The following CAMK4 variants were observed in gnomAD, a reference collection of about 807,000 sequenced individuals.
CAMK4 encodes calcium/calmodulin dependent protein kinase IV.
CAMK4 carries 22 observed loss-of-function variants against 44.9 expected under a neutral mutation model. The ratio of observed to expected loss-of-function variants is 0.49; its 90% CI spans 0.35 to 0.70. CAMK4 has a LOEUF of 0.70. Ranked by LOEUF, CAMK4 falls within the 30% of genes least tolerant of loss-of-function variation. The pLI is 0.01. For synonymous variants in CAMK4, 218 were observed against 215.4 expected (o/e 1.01, Z -0.11); for missense variants, 498 against 586.8 (o/e 0.85, Z 1.56).
chr5:111,251,532 A>G (rs757400698), intron 1 of CAMK4, among the ~76,000 whole-genome samples: 5 of 152,234 alleles, frequency 3.3e-5, no homozygotes, highest in Non-Finnish European at 7.3e-5. Context: ...GCTGGAAGGA[A>G]GGCAGAGCTG....
At chr5:111,390,831 C>T (rs1255066010) in intron 4 of CAMK4, among the ~76,000 whole-genome samples, 1 of 152,090 alleles carries the variant, frequency 6.6e-6, no homozygotes, top group Non-Finnish European at 1.5e-5. Flanking sequence ...GCCTAACATA[C>T]AAGTGAGTGA....
chr5:111,396,305 A>G (rs1325873742), intron 5 of CAMK4, among the ~76,000 whole-genome samples: 2 of 152,162 alleles, frequency 1.3e-5, no homozygotes, highest in Admixed American at 1.3e-4. Context: ...ATGTGAGTGA[A>G]TAAAACCTGG....
intron 1 of CAMK4, among the ~76,000 whole-genome samples, chr5:111,248,531 C>A (rs1272045877): frequency 3.6e-5 from 5 of 138,940 alleles, no homozygotes; most frequent in African/African-American, 1.3e-4. Context: ...AAAAAAAAAA[C>A]AGGACAAGTG....
chr5:111,433,499 A>T (rs1029539118), intron 5 of CAMK4, among the ~76,000 whole-genome samples: 7 of 152,168 alleles, frequency 4.6e-5, no homozygotes, highest in African/African-American at 1.7e-4. Context: ...GACTATCAAG[A>T]CCTAACCTTG....
chr5:111,422,159 A>G (rs1313970771), intron 5 of CAMK4, among the ~76,000 whole-genome samples: 1 of 152,212 alleles, frequency 6.6e-6, no homozygotes, highest in Non-Finnish European at 1.5e-5. Context: ...GTCTATACAC[A>G]TTCCTCTATA....
chr5:111,462,220 T>A (rs557675898), intron 7 of CAMK4, among the ~76,000 whole-genome samples: 1 of 152,212 alleles, frequency 6.6e-6, no homozygotes, highest in Non-Finnish European at 1.5e-5. Flanking sequence ...ATCCTCTACA[T>A]CTCAGTTCAA....
chr5:111,440,754 C>T (rs1200322536), intron 5 of CAMK4, among the ~76,000 whole-genome samples: 4 of 151,900 alleles, frequency 2.6e-5, no homozygotes, highest in African/African-American at 9.7e-5. Context: ...TTTTTGGCAG[C>T]AAAACAGAAG....
chr5:111,250,022 C>T (rs541493073), intron 1 of CAMK4, among the ~76,000 whole-genome samples: 1 of 152,028 alleles, frequency 6.6e-6, no homozygotes, highest in East Asian at 1.9e-4. Context: ...AGTAACCTGG[C>T]CATTTCATAC....
At chr5:111,256,647 G>T (rs1355168940) in intron 1 of CAMK4, among the ~76,000 whole-genome samples, 1 of 152,124 alleles carries the variant, frequency 6.6e-6, no homozygotes, top group African/African-American at 2.4e-5. Context: ...GGTAATAAAT[G>T]CAGTAATTGA....
Position 111,419,748 on chromosome 5 carries a change from G to A in CAMK4, c.459+24966G>A, listed in dbSNP as rs1026046899. 2.6e-5 allele frequency among the ~76,000 whole-genome samples: 4 copies of A among 152,048 alleles called. No homozygotes were observed. In the South Asian group the frequency reaches 6.2e-4, roughly 24 times the overall value. On this transcript the variant is annotated intron_variant, in intron 5 of 10. Transcript: ENST00000282356. ...TTGTCAGGTTTGTCAAAGATCAGAT[G>A]GTTGTAGATATGCGGCATTATTTCT...
chr5:111,438,329 C>T (rs544726379), intron 5 of CAMK4, among the ~76,000 whole-genome samples: 1 of 152,146 alleles, frequency 6.6e-6, no homozygotes, highest in African/African-American at 2.4e-5. Context: ...ACCTTTAATT[C>T]TCAAACCGCT....
intron 1 of CAMK4, among the ~76,000 whole-genome samples, chr5:111,336,916 AT>A (rs1440278966): frequency 6.6e-6 from 1 of 151,044 alleles, no homozygotes; most frequent in Admixed American, 6.6e-5. Flanking sequence ...GGTTTTTAAT[AT>A]TTTTAAACAA....
rs1308345452 is a variant in CAMK4 at position 111,489,499 on chromosome 5, C to G, written c.*5033C>G. On this transcript the variant is annotated 3_prime_UTR_variant, in exon 11 of 11. Transcript: ENST00000282356. The stretch of plus-strand genomic sequence containing the variant: ...TTTGGTTATTTAAAATTCCAACTTT[C>G]ATAAATGCTCTGTGATGTACTCAAG... 6 of 152,286 alleles carry G rather than the reference C, an allele frequency of 3.9e-5. 1 individual carries two copies. The South Asian group carries it at 6.2e-4, about 16-fold the overall frequency. 9.4% of individuals were successfully genotyped at this position (152,286 alleles called of 1,614,324 possible).
chr5:111,309,876 AGATATTGATAAGG>A (rs1001437820), intron 1 of CAMK4, among the ~76,000 whole-genome samples: 1 of 152,188 alleles, frequency 6.6e-6, no homozygotes, highest in African/African-American at 2.4e-5. Context: ...AGGTGGGGGC[AGATATTGATAAGG>A]GACATAGGCT....
chr5:111,325,854 G>T (rs992764384), intron 1 of CAMK4, among the ~76,000 whole-genome samples: 2 of 151,886 alleles, frequency 1.3e-5, no homozygotes, highest in South Asian at 4.1e-4. Context: ...AGTGAACCAT[G>T]GGATAAAGCC....
chr5:111,469,495 G>A lies in CAMK4; in HGVS notation c.626-3816G>A, dbSNP rs11955766. On this transcript the variant is annotated intron_variant, in intron 7 of 10. Transcript: ENST00000282356. Reference sequence around the variant, plus strand: ...CCAGTGCTGCGACAGATCAGAACTTGCCATGTCAGGTATGAAACTCAGACT... The same window carrying A: ...CCAGTGCTGCGACAGATCAGAACTTACCATGTCAGGTATGAAACTCAGACT... Among the ~76,000 whole-genome samples, 763 of 152,186 alleles carry A rather than the reference G, an allele frequency of 5.0e-3. 6 individuals carry two copies. Among genetic ancestry groups the A allele is most frequent in the African/African-American group, 0.018 (740 of 41,502 alleles).
intron 1 of CAMK4, among the ~76,000 whole-genome samples, chr5:111,278,590 C>G (rs546322091): frequency 3.3e-5 from 5 of 152,208 alleles, no homozygotes; most frequent in African/African-American, 9.6e-5. Flanking sequence ...ATGCAATGCA[C>G]CAGGTAGTGT....
chr5:111,292,310 T>G (rs1203711192), intron 1 of CAMK4, among the ~76,000 whole-genome samples: 1 of 152,196 alleles, frequency 6.6e-6, no homozygotes. Flanking sequence ...TAAAACTTAT[T>G]TTTCAAACTA....
At chr5:111,459,597 A>C (rs545677320) in intron 7 of CAMK4, among the ~76,000 whole-genome samples, 1 of 151,210 alleles carries the variant, frequency 6.6e-6, no homozygotes, top group Non-Finnish European at 1.5e-5. Context: ...TATATTTTGG[A>C]TTGAGATGGT....
Sources: allele counts gnomAD v4.1 joint callset (sites outside exome capture counted in the v4.1 genomes callset), GRCh38; gene constraint gnomAD v4.1.1; transcripts MANE v1.5; gene names NCBI Gene and HGNC (gene_info 2026-07-23, HGNC 2026-07-21).